The following GBE1 variants were observed in gnomAD, a reference collection of about 807,000 sequenced individuals.
GBE1 encodes 1,4-alpha-glucan branching enzyme 1.
A neutral mutation model predicts 88.8 loss-of-function variants in GBE1; 70 were observed. The observed-to-expected ratio is 0.79, with a 90% CI of 0.65 to 0.96. GBE1 has a LOEUF of 0.96. GBE1 is among the 40% of genes least tolerant of loss of function. The pLI, the probability that GBE1 is intolerant of heterozygous loss-of-function variation, is 0.00. For synonymous variants in GBE1, 284 were observed against 300.1 expected (o/e 0.95, Z 0.56); for missense variants, 872 against 871.0 (o/e 1.00, Z -0.01).
chr3:81,679,579 G>A (rs1705309146), intron 2 of GBE1, among the ~76,000 whole-genome samples: 1 of 152,142 alleles, frequency 6.6e-6, no homozygotes, highest in African/African-American at 2.4e-5. Flanking sequence ...AATTTTCTGT[G>A]TTCTGTGGAT....
intron 9 of GBE1, among the ~76,000 whole-genome samples, chr3:81,590,813 TAAC>T (rs1703867127): frequency 6.6e-6 from 1 of 152,134 alleles, no homozygotes; most frequent in Admixed American, 6.5e-5. Flanking sequence ...TTTTCTTTTT[TAAC>T]AACAGAATGG....
chr3:81,693,149 A>T (rs960432538), intron 2 of GBE1, among the ~76,000 whole-genome samples: 8 of 152,216 alleles, frequency 5.3e-5, no homozygotes, highest in African/African-American at 1.9e-4. Context: ...TGTATCATTT[A>T]AATCAATTAC....
At chr3:81,719,021 T>G (rs1287065993) in intron 1 of GBE1, among the ~76,000 whole-genome samples, 1 of 152,134 alleles carries the variant, frequency 6.6e-6, no homozygotes, top group African/African-American at 2.4e-5. Context: ...TAGCATGTCT[T>G]AAATAATTTT....
chr3:81,597,180 C>A (rs761405033), intron 7 of GBE1, among the ~76,000 whole-genome samples: 1 of 151,718 alleles, frequency 6.6e-6, no homozygotes, highest in Non-Finnish European at 1.5e-5. Context: ...TTTTCTACCT[C>A]AAAATGGCAT....
chr3:81,515,322 A>T (rs191591414), intron 14 of GBE1, among the ~76,000 whole-genome samples: 5 of 151,380 alleles, frequency 3.3e-5, no homozygotes, highest in Non-Finnish European at 5.9e-5. Flanking sequence ...TCATAATTAT[A>T]TTATTTTTAC....
chr3:81,574,478 C>T (rs1703618251), intron 12 of GBE1, among the ~76,000 whole-genome samples: 1 of 152,106 alleles, frequency 6.6e-6, no homozygotes. Flanking sequence ...ATCACACAGC[C>T]AAAAAGGGAA....
intron 9 of GBE1, among the ~76,000 whole-genome samples, chr3:81,589,040 A>G (rs1385496639): frequency 2.0e-5 from 3 of 152,128 alleles, no homozygotes; most frequent in Non-Finnish European, 4.4e-5. Flanking sequence ...TTTTAAGAAA[A>G]AAAAGGTAAA....
intron 6 of GBE1, among the ~76,000 whole-genome samples, chr3:81,645,934 T>A (rs578199775): frequency 6.6e-6 from 1 of 152,316 alleles, no homozygotes; most frequent in East Asian, 1.9e-4. Context: ...AATCCCTTGG[T>A]GTCTTTTCTG....
intron 6 of GBE1, among the ~76,000 whole-genome samples, chr3:81,643,453 T>C (rs1324581587): frequency 6.6e-6 from 1 of 152,084 alleles, no homozygotes; most frequent in African/African-American, 2.4e-5. Context: ...ATGCCCACAG[T>C]TACCAGTGGG....
intron 3 of GBE1, among the ~76,000 whole-genome samples, chr3:81,660,559 C>A (rs918097310): frequency 3.3e-5 from 5 of 151,882 alleles, no homozygotes; most frequent in Non-Finnish European, 7.4e-5. Context: ...GGGGAATATT[C>A]GTAAGATGAG....
intron 11 of GBE1, among the ~76,000 whole-genome samples, chr3:81,579,438 T>G (rs1703690571): frequency 6.6e-6 from 1 of 152,124 alleles, no homozygotes; most frequent in South Asian, 2.1e-4. Flanking sequence ...TTGGTAAATC[T>G]TTTTCTTTAC....
chr3:81,637,688 TA>T (rs777563057), intron 7 of GBE1, among the ~76,000 whole-genome samples: 3 of 152,114 alleles, frequency 2.0e-5, no homozygotes, highest in East Asian at 1.9e-4. Context: ...AAAATCCTCT[TA>T]AAAATAATTT....
At chr3:81,679,033 T>A (rs1016969265) in intron 2 of GBE1, among the ~76,000 whole-genome samples, 1 of 152,140 alleles carries the variant, frequency 6.6e-6, no homozygotes. Flanking sequence ...GCAAAACAAC[T>A]AATGTACATC....
intron 3 of GBE1, among the ~76,000 whole-genome samples, chr3:81,650,798 G>A (rs1262572739): frequency 6.6e-6 from 1 of 152,110 alleles, no homozygotes; most frequent in African/African-American, 2.4e-5. Context: ...TCGAGGAGCT[G>A]GGACTACAGG....
At chr3:81,574,445 C>T (rs1318083253) in intron 12 of GBE1, among the ~76,000 whole-genome samples, 2 of 152,150 alleles carry the variant, frequency 1.3e-5, no homozygotes, top group African/African-American at 2.4e-5. Context: ...CCGATGAAGG[C>T]ATAGTTGATG....
chr3:81,542,140 G>C (rs1703151694), intron 12 of GBE1, among the ~76,000 whole-genome samples: 1 of 151,734 alleles, frequency 6.6e-6, no homozygotes, highest in African/African-American at 2.4e-5. Flanking sequence ...ACTTGTTTTT[G>C]AACAAAGATA....
intron 1 of GBE1, among the ~76,000 whole-genome samples, chr3:81,749,304 G>A (rs1706462300): frequency 6.6e-6 from 1 of 151,766 alleles, no homozygotes; most frequent in East Asian, 1.9e-4. Context: ...GCAACGTGGA[G>A]AGATCTCAAG....
chr3:81,664,141 G>A (rs1485815214), intron 3 of GBE1, among the ~76,000 whole-genome samples: 1 of 152,136 alleles, frequency 6.6e-6, no homozygotes, highest in Non-Finnish European at 1.5e-5. Flanking sequence ...AGGAATGCTA[G>A]GGGCAGAGAG....
intron 1 of GBE1, among the ~76,000 whole-genome samples, chr3:81,741,275 G>T (rs1420781931): frequency 6.6e-6 from 1 of 152,020 alleles, no homozygotes; most frequent in African/African-American, 2.4e-5. Flanking sequence ...CAGTAAGTTT[G>T]CAAGCTTGAG....
Sources: gnomAD v4.1 joint callset for allele counts (sites outside exome capture counted in the v4.1 genomes callset) on GRCh38, gnomAD v4.1.1 for gene constraint, MANE v1.5 for transcripts, NCBI Gene and HGNC (gene_info 2026-07-23, HGNC 2026-07-21) for gene names.